ALK: variants seen among roughly 807,000 people sequenced by gnomAD.
ALK encodes the protein ALK tyrosine kinase receptor.
Under a neutral mutation model 163.1 loss-of-function variants are expected in ALK, and 74 were observed. That is an observed-to-expected ratio of 0.45 (90% CI 0.38 to 0.55). The LOEUF (loss-of-function observed/expected upper bound fraction) is 0.55, where lower values mean the gene tolerates loss of function less well. Ranked by LOEUF, ALK falls within the 20% of genes least tolerant of loss-of-function variation. The probability of loss-of-function intolerance (pLI) is 0.00; values close to 1 mark genes in which losing one functional copy is unlikely to be tolerated. For synonymous variants in ALK, 960 were observed against 843.2 expected (o/e 1.14, Z -2.40); for missense variants, 2,063 against 2,105.3 (o/e 0.98, Z 0.39).
chr2:29,754,753 T>C (rs939079494), intron 1 of ALK, among the ~76,000 whole-genome samples: 7 of 152,244 alleles, frequency 4.6e-5, no homozygotes, highest in African/African-American at 1.7e-4. Context: ...AGGACGGTTT[T>C]TAGGCTAACA....
chr2:29,303,432 T>C (rs1304517887), intron 8 of ALK, among the ~76,000 whole-genome samples: 1 of 152,168 alleles, frequency 6.6e-6, no homozygotes, highest in Non-Finnish European at 1.5e-5. Context: ...ACACTGTTGG[T>C]TGGAATGTAA....
intron 1 of ALK, among the ~76,000 whole-genome samples, chr2:29,865,530 T>C (rs577953602): frequency 2.6e-5 from 4 of 152,350 alleles, no homozygotes; most frequent in Admixed American, 6.5e-5. Flanking sequence ...CAGACACTCA[T>C]GGATACACAT....
chr2:29,199,668 A>G (rs750952363), intron 26 of ALK, among the ~76,000 whole-genome samples: 3 of 152,194 alleles, frequency 2.0e-5, no homozygotes, highest in Non-Finnish European at 2.9e-5. Flanking sequence ...TAAATCTGAA[A>G]AGGCATTTTT....
At chr2:29,764,588 A>G (rs1430538183) in intron 1 of ALK, among the ~76,000 whole-genome samples, 2 of 152,172 alleles carry the variant, frequency 1.3e-5, no homozygotes, top group East Asian at 3.9e-4. Flanking sequence ...ATATATGAAA[A>G]TAATGGATCT....
At chr2:29,512,039 ATTT>A (rs774493877) in intron 4 of ALK, among the ~76,000 whole-genome samples, 144,092 of 152,060 alleles carry the variant, frequency 0.95, 68,759 homozygotes, top group East Asian at 1. Flanking sequence ...TCTTTTGAAT[ATTT>A]AAAAGTTTTA....
intron 4 of ALK, among the ~76,000 whole-genome samples, chr2:29,498,711 G>A (rs1283961707): frequency 6.6e-6 from 1 of 152,226 alleles, no homozygotes; most frequent in Non-Finnish European, 1.5e-5. Context: ...CTAATTTACA[G>A]GAAGAAGCTG....
chr2:29,247,209 T>C (rs1489755820), intron 12 of ALK, among the ~76,000 whole-genome samples: 1 of 152,086 alleles, frequency 6.6e-6, no homozygotes, highest in African/African-American at 2.4e-5. Context: ...AAACCTCCAC[T>C]GTAGTTCTCC....
intron 11 of ALK, among the ~76,000 whole-genome samples, chr2:29,274,722 G>A (rs1399277488): frequency 6.6e-6 from 1 of 152,188 alleles, no homozygotes; most frequent in Non-Finnish European, 1.5e-5. Flanking sequence ...GATAACCTTG[G>A]CCAGGCCCAG....
chr2:29,232,317 A>G lies in ALK; in HGVS notation c.2619T>C (p.Asn873=). 1 of 1,614,236 alleles carries G rather than the reference A, an allele frequency of 6.2e-7. No individual in the cohort carries two copies. Among genetic ancestry groups the G allele is most frequent in the Non-Finnish European group, 8.5e-7 (1 of 1,180,040 alleles). The change falls in exon 15 of 29, where the codon AAT becomes AAC. Residue 873 remains asparagine, a synonymous_variant. Transcript: ENST00000389048. ...GCAGCGCTTTACCTGCGGCTCCGGAATTGCCGTTTAGCCCTAGAACCGAGG... is the reference window on the plus strand; with the variant it reads ...GCAGCGCTTTACCTGCGGCTCCGGAGTTGCCGTTTAGCCCTAGAACCGAGG... ...NNSSVLGLNG[N]SGAAGGGGGW... is the part of the protein sequence containing the mutation.
chr2:29,200,989 G>A (rs1174816546), intron 26 of ALK, among the ~76,000 whole-genome samples: 4 of 151,334 alleles, frequency 2.6e-5, no homozygotes, highest in African/African-American at 7.3e-5. Context: ...AATCGATGAA[G>A]ATAATCTGAT....
At chr2:29,378,568 A>C (rs1257341827) in intron 5 of ALK, among the ~76,000 whole-genome samples, 1 of 152,184 alleles carries the variant, frequency 6.6e-6, no homozygotes, top group African/African-American at 2.4e-5. Context: ...TACATACTTC[A>C]TAGCATTGTT....
chr2:29,317,865 T>C (rs988793527), intron 8 of ALK, among the ~76,000 whole-genome samples: 1 of 152,164 alleles, frequency 6.6e-6, no homozygotes, highest in African/African-American at 2.4e-5. Context: ...GAGAGAGTAG[T>C]TTTGGAGGTA....
intron 3 of ALK, among the ~76,000 whole-genome samples, chr2:29,578,557 G>A (rs1237276217): frequency 1.3e-5 from 2 of 152,190 alleles, no homozygotes; most frequent in Non-Finnish European, 2.9e-5. Flanking sequence ...GGCCCTCAGG[G>A]CCTGTTTGGG....
At chr2:29,505,229 C>G (rs943202820) in intron 4 of ALK, among the ~76,000 whole-genome samples, 1 of 152,086 alleles carries the variant, frequency 6.6e-6, no homozygotes, top group Non-Finnish European at 1.5e-5. Flanking sequence ...GGGTGGGACA[C>G]CCTGATGGGT....
rs751677905 is a variant in ALK at position 29,193,339 on chromosome 2, T to G, written c.4748A>C (p.Asn1583Thr). Residue 1583 changes from asparagine to threonine, a missense_variant, in exon 29 of 29, where the codon AAT (asparagine) becomes ACT (threonine). By Grantham distance (65) the Asn-to-Thr change is moderately conservative (BLOSUM62 0). This residue lies in a region of ALK where 403 missense variants were observed against 366.2 expected (regional missense o/e 1.10). Coordinates refer to ENST00000389048, the MANE Select transcript of ALK (RefSeq NM_004304.5). ...RLRHFPCGNVNYGYQQQGLPL... is the reference protein window; with the variant it reads ...RLRHFPCGNVTYGYQQQGLPL... ...CAAGCCCTGTTGCTGGTAGCCGTAA[T>G]TGACATTCCCACAAGGGAAGTGACG... 1 of 1,614,194 alleles carries G rather than the reference T, an allele frequency of 6.2e-7. No individual in the cohort carries two copies. Among genetic ancestry groups the G allele is most frequent in the Non-Finnish European group, 8.5e-7 (1 of 1,180,026 alleles).
rs145856441 is a variant in ALK, at chr2:29,342,785, G to A, written c.1283-14304C>T. On this transcript the variant is annotated intron_variant, in intron 5 of 28. Transcript: ENST00000389048. The stretch of plus-strand genomic sequence containing the variant: ...TGTTTGGTTTCCAGTGGAATCTACC[G>A]GTGTGTGAGGCACTGGATATAGCTG... 1.3e-3 allele frequency among the ~76,000 whole-genome samples: 203 copies of A among 151,946 alleles called. 3 individuals are homozygous for A. Among genetic ancestry groups the A allele is most frequent in the African/African-American group, 4.7e-3 (195 of 41,380 alleles).
chr2:29,659,386 T>C (rs1677280397), intron 3 of ALK, among the ~76,000 whole-genome samples: 2 of 152,144 alleles, frequency 1.3e-5, no homozygotes, highest in Non-Finnish European at 1.5e-5. Flanking sequence ...GAGTGGGCTG[T>C]TCTGCCTGGG....
chr2:29,431,950 GTCCCA>G (rs1024710252), intron 4 of ALK, among the ~76,000 whole-genome samples: 19 of 151,890 alleles, frequency 1.3e-4, no homozygotes, highest in Admixed American at 3.3e-4. Flanking sequence ...GTCCAGTCCC[GTCCCA>G]TCCCATCCCA....
chr2:29,208,472 TGAGGAGGGA>T lies in ALK; in HGVS notation c.3837-1209_3837-1201del, dbSNP rs542033082. 3.4e-3 allele frequency among the ~76,000 whole-genome samples: 513 copies of T among 152,242 alleles called. 5 individuals are homozygous for T. The highest frequency in any genetic ancestry group is 0.012 in the African/African-American group (497 of 41,518). ...AATGAGAGGCAGTCCCAGGGTATTC[TGAGGAGGGA>T]GAGGAAGGAACGCTGAGCTTGTGGG... On this transcript the variant is annotated intron_variant, in intron 25 of 28. Transcript: ENST00000389048.
Sources: allele counts gnomAD v4.1 joint callset (sites outside exome capture counted in the v4.1 genomes callset), GRCh38; gene constraint gnomAD v4.1.1; regional missense constraint gnomAD v4.1.1; transcripts MANE v1.5; gene names NCBI Gene and HGNC (gene_info 2026-07-23, HGNC 2026-07-21).